Variants in DLGAP2 observed in about 807,000 individuals in gnomAD.
DLGAP2 encodes the protein DLG associated protein 2.
DLGAP2 carries 26 observed loss-of-function variants against 100.3 expected under a neutral mutation model. The ratio of observed to expected loss-of-function variants is 0.26; its 90% CI spans 0.19 to 0.36. DLGAP2 has a LOEUF of 0.36. Ranked by LOEUF, DLGAP2 falls within the 10% of genes least tolerant of loss-of-function variation. The pLI is 1.00. For synonymous variants in DLGAP2, 886 were observed against 630.1 expected (o/e 1.41, Z -6.08); for missense variants, 1,858 against 1,453.2 (o/e 1.28, Z -4.53).
intron 2 of DLGAP2, among the ~76,000 whole-genome samples, chr8:1,149,979 G>A (rs967027064): frequency 6.6e-6 from 1 of 152,174 alleles, no homozygotes; most frequent in African/African-American, 2.4e-5. Flanking sequence ...TACGAATTCT[G>A]TATGTATGTT....
intron 2 of DLGAP2, among the ~76,000 whole-genome samples, chr8:1,115,138 T>C (rs1281347277): frequency 6.6e-6 from 1 of 152,252 alleles, no homozygotes; most frequent in East Asian, 1.9e-4. Context: ...GTGTGTGCCA[T>C]GTGGCAATAA....
At chr8:1,588,198 T>G (rs1176397845) in intron 6 of DLGAP2, among the ~76,000 whole-genome samples, 1 of 152,188 alleles carries the variant, frequency 6.6e-6, no homozygotes, top group Non-Finnish European at 1.5e-5. Flanking sequence ...TACTTCTGTA[T>G]TTTTAGCTGA....
intron 3 of DLGAP2, among the ~76,000 whole-genome samples, chr8:1,287,500 CTGTTAGGAGGGGAACT>C (rs1799959434): frequency 2.6e-5 from 1 of 38,754 alleles, no homozygotes; most frequent in African/African-American, 1.2e-4. Flanking sequence ...GTGTGTGGTT[CTGTTAGGAGGGGAACT>C]AGTTTTGGTT....
At position 947,349 on chromosome 8, in the gene DLGAP2, C is replaced by T. The variant is rs191204821; in HGVS notation, c.73+39383C>T. On this transcript the variant is annotated intron_variant, in intron 2 of 14. Coordinates refer to ENST00000637795, the MANE Select transcript of DLGAP2 (RefSeq NM_001346810.2). ...GGTCCTGGCAGCAGAGGGGTCCTGT[C>T]AGCAGGGGCTCCCTCACACAGGACG... Among the ~76,000 whole-genome samples the T allele has an allele frequency of 2.2e-4, 34 of 152,324 alleles. 1 individual carries two copies. Among genetic ancestry groups the T allele is most frequent in the African/African-American group, 7.7e-4 (32 of 41,582 alleles).
chr8:1,528,544 G>C (rs940207083), intron 4 of DLGAP2, among the ~76,000 whole-genome samples: 1 of 152,216 alleles, frequency 6.6e-6, no homozygotes, highest in Non-Finnish European at 1.5e-5. Flanking sequence ...GGGCCCACCC[G>C]GGGGCTGGCC....
rs57325144 is a variant in DLGAP2 at position 1,342,064 on chromosome 8, C to A, written c.106+83181C>A. Among the ~76,000 whole-genome samples, 654 of 152,208 alleles carry A rather than the reference C, an allele frequency of 4.3e-3. 2 individuals carry two copies. Among genetic ancestry groups the A allele is most frequent in the African/African-American group, 0.015 (620 of 41,518 alleles). ...CTTCTGGGCTGAGGTGATTCTCTCA[C>A]CTCAGCTTCCCAGGTAGCTGGGGCA... On this transcript the variant is annotated intron_variant, in intron 3 of 14. Coordinates refer to ENST00000637795, the MANE Select transcript of DLGAP2 (RefSeq NM_001346810.2).
chr8:1,022,117 G>A (rs183353493), intron 2 of DLGAP2, among the ~76,000 whole-genome samples: 12 of 152,294 alleles, frequency 7.9e-5, no homozygotes, highest in Middle Eastern at 6.8e-3. Flanking sequence ...CCCAATGCCC[G>A]TCTGAGGGCC....
At chr8:1,669,926 C>T in intron 10 of DLGAP2, 142 bp downstream of exon 10, 2 of 680,124 alleles carry the variant, frequency 2.9e-6, no homozygotes, top group South Asian at 3.3e-5. Flanking sequence ...CCATCTGTCC[C>T]CCTTAGATGA....
intron 1 of DLGAP2, among the ~76,000 whole-genome samples, chr8:825,564 G>T (rs979996847): frequency 5.3e-5 from 8 of 152,118 alleles, no homozygotes; most frequent in South Asian, 2.1e-4. Flanking sequence ...TATCTCTAAC[G>T]ACATCATCCC....
chr8:884,349 G>T (rs924781842), intron 1 of DLGAP2, among the ~76,000 whole-genome samples: 1 of 152,140 alleles, frequency 6.6e-6, no homozygotes, highest in Admixed American at 6.5e-5. Context: ...GGCATGAGAT[G>T]GTATCTCATT....
chr8:859,863 A>G (rs935740065), intron 1 of DLGAP2, among the ~76,000 whole-genome samples: 1 of 152,086 alleles, frequency 6.6e-6, no homozygotes, highest in Non-Finnish European at 1.5e-5. Flanking sequence ...AAGACGGAAG[A>G]CGTGGCTGGG....
chr8:1,231,906 C>A (rs1364981524), intron 2 of DLGAP2, among the ~76,000 whole-genome samples: 1 of 152,092 alleles, frequency 6.6e-6, no homozygotes, highest in Non-Finnish European at 1.5e-5. Context: ...CAGCATCCTA[C>A]AATAGACCCA....
chr8:1,334,625 G>A (rs1345752139), intron 3 of DLGAP2, among the ~76,000 whole-genome samples: 1 of 152,066 alleles, frequency 6.6e-6, no homozygotes, highest in Non-Finnish European at 1.5e-5. Context: ...CCCACCGTGG[G>A]CCATGCATGG....
intron 6 of DLGAP2, among the ~76,000 whole-genome samples, chr8:1,619,418 A>G (rs777215446): frequency 2.0e-4 from 31 of 152,328 alleles, no homozygotes; most frequent in Middle Eastern, 3.4e-3. Context: ...CTGTCTATCA[A>G]TTTTCTCTCA....
chr8:1,558,145 G>A (rs1802029536), intron 5 of DLGAP2, among the ~76,000 whole-genome samples: 1 of 152,224 alleles, frequency 6.6e-6, no homozygotes, highest in African/African-American at 2.4e-5. Flanking sequence ...GTGGGGTTAT[G>A]CCAGGCATGC....
chr8:1,604,285 G>A (rs1294482394), intron 6 of DLGAP2, among the ~76,000 whole-genome samples: 4 of 152,176 alleles, frequency 2.6e-5, no homozygotes, highest in Non-Finnish European at 5.9e-5. Flanking sequence ...TAACACCAGG[G>A]AGAGATGTTT....
At chr8:1,230,540 C>G (rs914936219) in intron 2 of DLGAP2, among the ~76,000 whole-genome samples, 5 of 152,088 alleles carry the variant, frequency 3.3e-5, no homozygotes, top group Non-Finnish European at 4.4e-5. Context: ...CCAAAAAGCT[C>G]GAATAGCCAA....
chr8:1,505,610 A>G (rs1364101921), intron 4 of DLGAP2, among the ~76,000 whole-genome samples: 1 of 152,254 alleles, frequency 6.6e-6, no homozygotes, highest in Non-Finnish European at 1.5e-5. Flanking sequence ...ATATAGGAGG[A>G]TAAGGAAGTT....
At position 1,159,346 on chromosome 8, in the gene DLGAP2, G is replaced by A. The variant is rs138099045; in HGVS notation, c.74-99505G>A. Among the ~76,000 whole-genome samples the A allele has an allele frequency of 4.8e-3, 729 of 152,308 alleles. 4 individuals are homozygous for A. The highest frequency in any genetic ancestry group is 0.017 in the African/African-American group (697 of 41,568). On this transcript the variant is annotated intron_variant, in intron 2 of 14. Coordinates refer to ENST00000637795, the MANE Select transcript of DLGAP2 (RefSeq NM_001346810.2). ...TGTAAGAAGAGGTATAAGGGATACT[G>A]ATTTTGATTTTCAGGAAATCGTTTA...
Sources: gnomAD v4.1 joint callset for allele counts (sites outside exome capture counted in the v4.1 genomes callset) on GRCh38, gnomAD v4.1.1 for gene constraint, MANE v1.5 for transcripts, NCBI Gene and HGNC (gene_info 2026-07-23, HGNC 2026-07-21) for gene names.